The following MATCAP2 variants were observed in gnomAD, a reference collection of about 807,000 sequenced individuals.
MATCAP2 encodes the protein microtubule associated tyrosine carboxypeptidase 2, also known as putative tyrosine carboxypeptidase MATCAP2.
chr7:36,362,813 A>G, the MATCAP2 span, among the ~76,000 whole-genome samples: 1 of 152,192 alleles, frequency 6.6e-6, no homozygotes, highest in East Asian at 1.9e-4. Context: ...CTCATCTTTC[A>G]GTTCAAATAG....
At chr7:36,379,075 C>T in the MATCAP2 span, among the ~76,000 whole-genome samples, 298 of 152,354 alleles carry the variant, frequency 2.0e-3, 1 homozygote, top group African/African-American at 6.8e-3. Context: ...GATGCCCTGC[C>T]CTGCTTCGGC....
chr7:36,345,521 G>A, the MATCAP2 span, among the ~76,000 whole-genome samples: 1 of 152,068 alleles, frequency 6.6e-6, no homozygotes, highest in African/African-American at 2.4e-5. Flanking sequence ...AAATAGAATA[G>A]CACCATTATT....
At chr7:36,338,179 T>C in the MATCAP2 span, among the ~76,000 whole-genome samples, 36 of 152,320 alleles carry the variant, frequency 2.4e-4, no homozygotes, top group African/African-American at 7.2e-4. Flanking sequence ...CAAAGCTCTT[T>C]TGTGGGGGTA....
chr7:36,382,299 C>CAAAAAA, the MATCAP2 span, among the ~76,000 whole-genome samples: 1 of 62,934 alleles, frequency 1.6e-5, no homozygotes. Context: ...GCGTCTGTCT[C>CAAAAAA]AAAAAAAAAA....
At chr7:36,388,722 G>A in the MATCAP2 span, among the ~76,000 whole-genome samples, 59 of 152,330 alleles carry the variant, frequency 3.9e-4, no homozygotes, top group South Asian at 4.6e-3. Context: ...CGGGTCATGA[G>A]CTGAGAACAG....
the MATCAP2 span, among the ~76,000 whole-genome samples, chr7:36,384,856 A>G: frequency 6.6e-6 from 1 of 151,702 alleles, no homozygotes; most frequent in East Asian, 1.9e-4. Context: ...GCTGGAGCAT[A>G]GTGAAAAGAA....
the MATCAP2 span, among the ~76,000 whole-genome samples, chr7:36,339,378 G>C: frequency 1.3e-5 from 2 of 152,208 alleles, no homozygotes; most frequent in Non-Finnish European, 2.9e-5. Context: ...TGAAAGCCTT[G>C]CTATTCAAAG....
At chr7:36,389,997 C>T in the MATCAP2 span, 2 of 1,614,128 alleles carry the variant, frequency 1.2e-6, no homozygotes, top group African/African-American at 2.7e-5. Context: ...ACCACCGTTT[C>T]CATCGTCTCG....
At chr7:36,362,759 T>G in the MATCAP2 span, among the ~76,000 whole-genome samples, 5 of 152,234 alleles carry the variant, frequency 3.3e-5, no homozygotes, top group East Asian at 9.6e-4. Flanking sequence ...GCTCCCTGTG[T>G]CTGCTGGGCC....
the MATCAP2 span, among the ~76,000 whole-genome samples, chr7:36,362,120 CTTTAT>C: frequency 6.6e-6 from 1 of 152,144 alleles, no homozygotes; most frequent in Non-Finnish European, 1.5e-5. Flanking sequence ...GACTTGTAGA[CTTTAT>C]TTAAGTTACA....
At chr7:36,374,742 C>A in the MATCAP2 span, among the ~76,000 whole-genome samples, 1 of 152,078 alleles carries the variant, frequency 6.6e-6, no homozygotes, top group Non-Finnish European at 1.5e-5. Flanking sequence ...CTTGTGCCCA[C>A]GTGTTCTCAT....
the MATCAP2 span, among the ~76,000 whole-genome samples, chr7:36,351,666 G>A: frequency 6.6e-6 from 1 of 152,064 alleles, no homozygotes; most frequent in Non-Finnish European, 1.5e-5. Context: ...AAAATTTAGG[G>A]CCAGGTGTCG....
chr7:36,361,998 G>A, the MATCAP2 span, among the ~76,000 whole-genome samples: 1 of 152,136 alleles, frequency 6.6e-6, no homozygotes, highest in Non-Finnish European at 1.5e-5. Context: ...ACCTTTGAGG[G>A]ATGAATCACA....
At chr7:36,388,982 T>C in the MATCAP2 span, among the ~76,000 whole-genome samples, 1 of 152,234 alleles carries the variant, frequency 6.6e-6, no homozygotes, top group African/African-American at 2.4e-5. Context: ...GGGCCAGGCC[T>C]GCAGTCCCCC....
At chr7:36,330,604 A>C in the MATCAP2 span, among the ~76,000 whole-genome samples, 3 of 152,092 alleles carry the variant, frequency 2.0e-5, no homozygotes, top group Non-Finnish European at 2.9e-5. Flanking sequence ...ATATTTAATA[A>C]ATCTCTTTTT....
chr7:36,338,641 G>A, the MATCAP2 span, among the ~76,000 whole-genome samples: 2 of 151,702 alleles, frequency 1.3e-5, no homozygotes, highest in Admixed American at 6.6e-5. Context: ...ATAGAGACAA[G>A]GTCTCACTAT....
chr7:36,357,988 G>A, the MATCAP2 span, among the ~76,000 whole-genome samples: 34 of 152,250 alleles, frequency 2.2e-4, no homozygotes, highest in African/African-American at 7.5e-4. Context: ...CACTTGAGCA[G>A]GAGCTGGAGA....
chr7:36,326,116 T>C, the MATCAP2 span: 5 of 152,108 alleles, frequency 3.3e-5, no homozygotes, highest in African/African-American at 9.7e-5. Context: ...AATGAAAACA[T>C]AGTTAAGAGA....
chr7:36,324,224 G>C, the MATCAP2 span: 1 of 152,192 alleles, frequency 6.6e-6, no homozygotes, highest in Admixed American at 6.5e-5. Flanking sequence ...CACTTCATCT[G>C]AGAACCTTGG....
Sources: gnomAD v4.1 joint callset for allele counts (sites outside exome capture counted in the v4.1 genomes callset) on GRCh38, gnomAD v4.1.1 for gene constraint, MANE v1.5 for transcripts, NCBI Gene and HGNC (gene_info 2026-07-23, HGNC 2026-07-21) for gene names.